GRIN1: variants seen among roughly 807,000 people sequenced by gnomAD.
The protein encoded by GRIN1 is glutamate receptor ionotropic, NMDA 1.
In GRIN1, 38 loss-of-function variants were observed where a neutral mutation model predicts 103.0. The observed-to-expected ratio is 0.37, with a 90% confidence interval of 0.28 to 0.48. The LOEUF is 0.48. GRIN1 is among the 20% of genes least tolerant of loss of function. The pLI is 0.98. For missense variants in GRIN1, 577 were observed against 1,288.9 expected (o/e 0.45, Z 8.46); for synonymous variants, 544 against 532.7 (o/e 1.02, Z -0.29).
intron 4 of GRIN1, among the ~76,000 whole-genome samples, 198 bp from the exon 5 acceptor site, chr9:137,156,471 C>A (rs1833224533): frequency 6.6e-6 from 1 of 152,206 alleles, no homozygotes; most frequent in Non-Finnish European, 1.5e-5. Context: ...CCTGCTCCCC[C>A]AAGGTAAGAG....
intron 10 of GRIN1, 136 bp from the exon 11 acceptor site, chr9:137,161,788 G>T: frequency 1.1e-6 from 1 of 890,838 alleles, no homozygotes; most frequent in Non-Finnish European, 1.8e-6. Context: ...GGCTGGAGTG[G>T]GGTGGGGCCT....
rs1456874055 is a variant in GRIN1 at position 137,142,156 on chromosome 9, G to A, written c.393+9G>A. On this transcript the variant is annotated intron_variant, in intron 2 of 19. Coordinates refer to ENST00000371561, the MANE Select transcript of GRIN1 (RefSeq NM_007327.4). The stretch of plus-strand genomic sequence containing the variant: ...CCATCTACTCGGACAAGGTAAGCCT[G>A]ACTGCCAGACCAGGCCTTCCGGCCC... 4 of 1,613,822 alleles carry A rather than the reference G, an allele frequency of 2.5e-6. No individual in the cohort carries two copies. The South Asian group carries it at 4.4e-5, about 18-fold the overall frequency.
chr9:137,144,797 A>C (rs13298871), intron 2 of GRIN1, among the ~76,000 whole-genome samples: 207 of 6,750 alleles, frequency 0.031, 1 homozygote, highest in South Asian at 0.05. Flanking sequence ...TGGTAGGGAC[A>C]GGGGTGGGAG....
In GRIN1 at chr9:137,162,190, C is replaced by T. The variant is rs747324241; in HGVS notation, c.1651C>T (p.Leu551=). The change falls in exon 12 of 20, where the codon CTG becomes TTG. Residue 551 remains leucine (L), a synonymous_variant. Coordinates refer to ENST00000371561, the MANE Select transcript of GRIN1 (RefSeq NM_007327.4). The stretch of plus-strand genomic sequence containing the variant: ...TCCGCAGGAGATTCCCCGGAGCACG[C>T]TGGACTCGTTCATGCAGCCGTTCCA... ...LVKKEIPRST[L]DSFMQPFQST... The T allele has an allele frequency of 6.5e-7, 1 of 1,544,648 alleles. No individual in the cohort carries two copies. The highest frequency in any genetic ancestry group is 1.2e-5 in the South Asian group (1 of 84,224).
chr9:137,159,647 G>A (rs924701338), intron 8 of GRIN1, among the ~76,000 whole-genome samples: 2 of 152,238 alleles, frequency 1.3e-5, no homozygotes, highest in African/African-American at 4.8e-5. Context: ...AGATGGAGAT[G>A]GCTTTTTACA....
chr9:137,145,656 A>C lies in GRIN1; in HGVS notation c.394-70A>C, dbSNP rs1439054377. 19 of 988,516 alleles carry C rather than the reference A, an allele frequency of 1.9e-5. No individual in the cohort carries two copies. The East Asian group carries it at 8.3e-4, about 43-fold the overall frequency. The allele number at this position is 988,516 out of a possible 1,614,324, so 61.2% of individuals were successfully genotyped here. A position where few individuals can be genotyped will look rare whatever the true frequency, so the allele number is the denominator to read the frequency against. On this transcript the variant is annotated intron_variant, in intron 2 of 19. Coordinates refer to ENST00000371561, the MANE Select transcript of GRIN1 (RefSeq NM_007327.4). ...CCCAGCCTCCGGCGGGTGTTCCGGCAGTGGGAGGCGGGTGGGAGGGCGGGT... is the reference window on the plus strand; with the variant it reads ...CCCAGCCTCCGGCGGGTGTTCCGGCCGTGGGAGGCGGGTGGGAGGGCGGGT...
chr9:137,142,747 G>A (rs901665649), intron 2 of GRIN1, among the ~76,000 whole-genome samples: 1 of 152,212 alleles, frequency 6.6e-6, no homozygotes, highest in Non-Finnish European at 1.5e-5. Flanking sequence ...CAGGGTGGTG[G>A]GGCCAGCCTT....
At position 137,163,283 on chromosome 9, in the gene GRIN1, G is replaced by A; in HGVS notation, c.2286G>A (p.Met762Ile). The A allele has an allele frequency of 6.2e-7, 1 of 1,613,804 alleles. No homozygotes were observed. Among genetic ancestry groups the A allele is most frequent in the Non-Finnish European group, 8.5e-7 (1 of 1,179,952 alleles). Residue 762 changes from methionine to isoleucine, a missense_variant, in exon 16 of 20, where the codon ATG becomes ATA. Met to Ile is a conservative substitution (Grantham distance 10). Coordinates refer to ENST00000371561, the MANE Select transcript of GRIN1 (RefSeq NM_007327.4). ...LFFRSGFGIGMRKDSPWKQNV... is the reference protein window; with the variant it reads ...LFFRSGFGIGIRKDSPWKQNV... Reference sequence around the variant, plus strand: ...TCCGCTCGGGCTTCGGCATAGGCATGCGCAAAGACAGCCCCTGGAAGCAGA... The same window carrying A: ...TCCGCTCGGGCTTCGGCATAGGCATACGCAAAGACAGCCCCTGGAAGCAGA...
chr9:137,166,826 A>G (rs959650508), intron 19 of GRIN1, among the ~76,000 whole-genome samples: 8 of 152,168 alleles, frequency 5.3e-5, no homozygotes, highest in African/African-American at 1.9e-4. Context: ...AGGGAGGGGG[A>G]ATAGCGCAGG....
chr9:137,139,548 C>T lies in GRIN1; in HGVS notation c.62C>T (p.Ala21Val). ...LLFSCSVARA[A>V]CDPKIVNIGA... ...TTCTCCTGCTCCGTCGCCCGTGCCGCGTGCGACCCCAAGATCGTCAACATT... is the reference window on the plus strand; with the variant it reads ...TTCTCCTGCTCCGTCGCCCGTGCCGTGTGCGACCCCAAGATCGTCAACATT... Residue 21 changes from alanine to valine, a missense_variant, in exon 1 of 20, where the codon GCG (alanine) becomes GTG (valine). By Grantham distance (64) the Ala-to-Val change is moderately conservative. This residue lies in a region of GRIN1 where 308 missense variants were observed against 553.6 expected (regional missense o/e 0.56). Coordinates refer to ENST00000371561, the MANE Select transcript of GRIN1 (RefSeq NM_007327.4). The surrounding 1 kb of genome is among the most constrained non-coding windows in gnomAD (Gnocchi z 7.7). The T allele has an allele frequency of 6.2e-7, 1 of 1,611,660 alleles. No individual in the cohort carries two copies. The highest frequency in any genetic ancestry group is 8.5e-7 in the Non-Finnish European group (1 of 1,179,222).
rs1371308878 is a variant in GRIN1 at position 137,139,756 on chromosome 9, C to A, written c.258+12C>A. On this transcript the variant is annotated intron_variant, in intron 1 of 19. Coordinates refer to ENST00000371561, the MANE Select transcript of GRIN1 (RefSeq NM_007327.4). The surrounding 1 kb of genome is among the most constrained non-coding windows in gnomAD (Gnocchi z 7.7). The stretch of plus-strand genomic sequence containing the variant: ...TCATCTCCAGCCAGGTGCCCTCCCC[C>A]ACCTCCGCCACCCACCTCCCCTCTC... 1.9e-6 allele frequency: 3 copies of A among 1,606,056 alleles called. No homozygotes were observed. Among genetic ancestry groups the A allele is most frequent in the East Asian group, 2.2e-5 (1 of 44,832 alleles).
intron 18 of GRIN1, 189 bp from the exon 19 acceptor site, chr9:137,164,997 G>C: frequency 4.9e-6 from 3 of 614,956 alleles, no homozygotes; most frequent in Non-Finnish European, 8.9e-6. Flanking sequence ...GGTCAGGCCC[G>C]AGACCCCGGG....
At chr9:137,142,521 A>T (rs1295114756) in intron 2 of GRIN1, among the ~76,000 whole-genome samples, 2 of 152,164 alleles carry the variant, frequency 1.3e-5, no homozygotes, top group Admixed American at 6.5e-5. Flanking sequence ...CTACACTGCT[A>T]TGCTCACCCT....
chr9:137,139,696 C>T lies in GRIN1; in HGVS notation c.210C>T (p.Asn70=), dbSNP rs1338045893. The change falls in exon 1 of 20, where the codon AAC becomes AAT. Residue 70 remains asparagine (N), a synonymous_variant. Coordinates refer to ENST00000371561, the MANE Select transcript of GRIN1 (RefSeq NM_007327.4). This position sits in a 1 kb window ranked among gnomAD's most constrained non-coding sequence, Gnocchi z 7.7. ...LNATSVTHKP[N]AIQMALSVCE... ...CCACCTCCGTCACGCACAAGCCCAA[C>T]GCCATCCAGATGGCTCTGTCGGTGT... is the stretch of plus-strand genomic sequence containing the variant. 5 of 1,613,932 alleles carry T rather than the reference C, an allele frequency of 3.1e-6. No homozygotes were observed. Among genetic ancestry groups the T allele is most frequent in the Middle Eastern group, 1.6e-4 (1 of 6,062 alleles).
At chr9:137,163,385 G>A in intron 16 of GRIN1, 55 bp downstream of exon 16, 1 of 1,588,144 alleles carries the variant, frequency 6.3e-7, no homozygotes. Context: ...AGAGGTGGAC[G>A]CCCTCCCCAG....
chr9:137,161,226 C>T (rs765862268), intron 9 of GRIN1, 29 bp downstream of exon 9: 3 of 1,605,960 alleles, frequency 1.9e-6, no homozygotes, highest in Non-Finnish European at 1.7e-6. Context: ...GCGCGGGGCG[C>T]GGGGCAGGGC....
intron 2 of GRIN1, among the ~76,000 whole-genome samples, chr9:137,144,468 T>G (rs373665532): frequency 1.3e-5 from 2 of 151,254 alleles, no homozygotes; most frequent in Admixed American, 6.6e-5. Flanking sequence ...TCCTGGCTAA[T>G]ACGGTGAAAC....
intron 8 of GRIN1, among the ~76,000 whole-genome samples, chr9:137,159,523 G>T (rs537820761): frequency 6.6e-6 from 1 of 152,184 alleles, no homozygotes; most frequent in Non-Finnish European, 1.5e-5. Flanking sequence ...TCTGCAGACA[G>T]GGTGGGGTTT....
rs200522831 is a variant in GRIN1, at chr9:137,156,805, T to C, written c.793+15T>C. 1.7e-4 allele frequency: 269 copies of C among 1,599,350 alleles called. No homozygotes were observed. The highest frequency in any genetic ancestry group is 2.0e-4 in the Non-Finnish European group (240 of 1,173,618). ...CGCCCCAGACGGTGAGTGCTGGGCC[T>C]TGGCGGGGTCCCCGAACGGGGAGGA... is the stretch of plus-strand genomic sequence containing the variant. On this transcript the variant is annotated intron_variant, in intron 5 of 19. Coordinates refer to ENST00000371561, the MANE Select transcript of GRIN1 (RefSeq NM_007327.4).
Sources: gnomAD v4.1 joint callset for allele counts (sites outside exome capture counted in the v4.1 genomes callset) on GRCh38, gnomAD v4.1.1 for gene constraint, gnomAD v4.1.1 regional missense constraint, Gnocchi (gnomAD v3.1) non-coding constraint, MANE v1.5 for transcripts, NCBI Gene and HGNC (gene_info 2026-07-23, HGNC 2026-07-21) for gene names.